NWD2: variants seen among roughly 807,000 people sequenced by gnomAD.
The protein encoded by NWD2 is NACHT and WD repeat domain containing 2.
NWD2 carries 37 observed loss-of-function variants against 132.7 expected under a neutral mutation model. The observed-to-expected ratio is 0.28, with a 90% CI of 0.21 to 0.37. The LOEUF is 0.37. Ranked by LOEUF, NWD2 falls within the 10% of genes least tolerant of loss-of-function variation. The pLI is 1.00. For synonymous variants in NWD2, 705 were observed against 803.0 expected (o/e 0.88, Z 2.06); for missense variants, 1,592 against 2,122.4 (o/e 0.75, Z 4.91).
At chr4:37,265,160 A>G (rs917333026) in intron 1 of NWD2, among the ~76,000 whole-genome samples, 1 of 152,138 alleles carries the variant, frequency 6.6e-6, no homozygotes, top group African/African-American at 2.4e-5. Flanking sequence ...TAATGATAAT[A>G]CTGAATCATT....
chr4:37,292,125 C>T (rs1718374537), intron 1 of NWD2, among the ~76,000 whole-genome samples: 1 of 152,138 alleles, frequency 6.6e-6, no homozygotes, highest in African/African-American at 2.4e-5. Flanking sequence ...CCCTTGGCCC[C>T]ACTTGTGAGG....
At chr4:37,268,476 C>G (rs1042707616) in intron 1 of NWD2, among the ~76,000 whole-genome samples, 2 of 151,852 alleles carry the variant, frequency 1.3e-5, no homozygotes, top group African/African-American at 4.8e-5. Context: ...AAAGAAAGAA[C>G]CAGGACTCTG....
chr4:37,313,552 A>T (rs1438587634), intron 1 of NWD2, among the ~76,000 whole-genome samples: 1 of 150,426 alleles, frequency 6.6e-6, no homozygotes, highest in South Asian at 2.1e-4. Context: ...GCGGTCTATC[A>T]ATTTTGTTGA....
At chr4:37,364,444 A>G (rs911455644) in intron 3 of NWD2, among the ~76,000 whole-genome samples, 7 of 152,238 alleles carry the variant, frequency 4.6e-5, no homozygotes, top group Non-Finnish European at 7.4e-5. Flanking sequence ...CTTCACATTT[A>G]GAGGGGTGTT....
intron 5 of NWD2, among the ~76,000 whole-genome samples, chr4:37,435,825 T>C (rs542497346): frequency 2.6e-5 from 4 of 152,202 alleles, no homozygotes; most frequent in Non-Finnish European, 4.4e-5. Flanking sequence ...CCTGAAGATA[T>C]ACATGCTCAT....
intron 3 of NWD2, among the ~76,000 whole-genome samples, chr4:37,358,748 C>T (rs562116560): frequency 6.6e-6 from 1 of 152,234 alleles, no homozygotes; most frequent in South Asian, 2.1e-4. Context: ...ACATAGTAAT[C>T]CATTAAAAAG....
Position 37,447,161 on chromosome 4 carries a change from G to A in NWD2, c.5173G>A (p.Glu1725Lys), listed in dbSNP as rs1279642275. Reference protein sequence around the residue: ...TPSKKHNSCYERVCSALEARG... With the variant: ...TPSKKHNSCYKRVCSALEARG... ...CTCCAAGAAACACAACTCTTGTTAT[G>A]AGCGGGTATGCTCGGCCCTAGAAGC... Residue 1725 changes from glutamate to lysine, a missense_variant, in exon 7 of 7, where the codon GAG becomes AAG. By Grantham distance (56) the Glu-to-Lys change is moderately conservative (BLOSUM62 1). Transcript: ENST00000309447. The A allele has an allele frequency of 1.9e-6, 3 of 1,551,226 alleles. No individual in the cohort carries two copies. The highest frequency in any genetic ancestry group is 2.6e-6 in the Non-Finnish European group (3 of 1,147,000).
chr4:37,364,068 G>A (rs1290212702), intron 3 of NWD2, among the ~76,000 whole-genome samples: 1 of 152,156 alleles, frequency 6.6e-6, no homozygotes, highest in Admixed American at 6.6e-5. Flanking sequence ...GATCCAGGAG[G>A]CGGAGGTTGC....
At chr4:37,260,141 C>T (rs141018060) in intron 1 of NWD2, among the ~76,000 whole-genome samples, 1 of 152,226 alleles carries the variant, frequency 6.6e-6, no homozygotes, top group African/African-American at 2.4e-5. Context: ...CACTAGAGAG[C>T]GTTCTTGTTT....
chr4:37,442,392 C>T (rs556159372), intron 6 of NWD2, among the ~76,000 whole-genome samples: 4 of 152,140 alleles, frequency 2.6e-5, no homozygotes, highest in Non-Finnish European at 5.9e-5. Flanking sequence ...CATATTTTAT[C>T]CTTTAACACC....
Position 37,444,978 on chromosome 4 carries a change from A to G in NWD2, c.2990A>G (p.Glu997Gly). The G allele has an allele frequency of 6.4e-7, 1 of 1,552,054 alleles. No homozygotes were observed. Among genetic ancestry groups the G allele is most frequent in the Non-Finnish European group, 8.7e-7 (1 of 1,147,072 alleles). ...GGTTCCATCAGCACCTGGGATGTAG[A>G]GACTCGACAGCTACTCAGGCAAATC... ...ENGSISTWDV[E>G]TRQLLRQITT... The change falls in exon 7 of 7, where the codon GAG becomes GGG. Residue 997 changes from glutamate to glycine, a missense_variant. Glu to Gly is a moderately conservative substitution (Grantham distance 98). Coordinates refer to ENST00000309447, the MANE Select transcript of NWD2 (RefSeq NM_001144990.2). This position sits in a 1 kb window ranked among gnomAD's most constrained non-coding sequence, Gnocchi z 4.8.
At chr4:37,294,908 A>G (rs554527745) in intron 1 of NWD2, among the ~76,000 whole-genome samples, 123 of 152,312 alleles carry the variant, frequency 8.1e-4, no homozygotes, top group African/African-American at 2.8e-3. Context: ...CCCTTCTCCA[A>G]AGATGACTTC....
At chr4:37,378,701 T>C (rs1239007608) in intron 3 of NWD2, among the ~76,000 whole-genome samples, 1 of 152,224 alleles carries the variant, frequency 6.6e-6, no homozygotes, top group Non-Finnish European at 1.5e-5. Flanking sequence ...AAAGTGTTTA[T>C]TTTTATACAC....
At position 37,347,979 on chromosome 4, in the gene NWD2, A is replaced by G. The variant is rs146964782; in HGVS notation, c.241-8387A>G. On this transcript the variant is annotated intron_variant, in intron 2 of 6. Transcript: ENST00000309447. ...ATAAGTTATTGGCATATGGTCTTAT[A>G]ATGATTTAATGATTTCAGTATGTTG... 2.1e-3 allele frequency among the ~76,000 whole-genome samples: 316 copies of G among 152,338 alleles called. 1 individual carries two copies. Among genetic ancestry groups the G allele is most frequent in the African/African-American group, 7.2e-3 (300 of 41,582 alleles).
intron 1 of NWD2, among the ~76,000 whole-genome samples, chr4:37,246,175 C>T (rs1717240177): frequency 6.6e-6 from 1 of 152,196 alleles, no homozygotes; most frequent in Non-Finnish European, 1.5e-5. Context: ...ACGTTTTCTG[C>T]ACTCTAACAA....
chr4:37,423,997 GC>G (rs1711904565), intron 3 of NWD2, among the ~76,000 whole-genome samples: 2 of 152,102 alleles, frequency 1.3e-5, no homozygotes, highest in Non-Finnish European at 2.9e-5. Flanking sequence ...GGTGTTGCTG[GC>G]TCTTTGGCGG....
chr4:37,326,127 G>C, intron 2 of NWD2, 103 bp downstream of exon 2: 1 of 663,460 alleles, frequency 1.5e-6, no homozygotes, highest in South Asian at 2.1e-5. Context: ...TTTAGGCCCT[G>C]AAAAAATTTA....
chr4:37,424,181 T>C (rs894026522), intron 3 of NWD2, among the ~76,000 whole-genome samples: 2 of 152,172 alleles, frequency 1.3e-5, no homozygotes, highest in African/African-American at 4.8e-5. Flanking sequence ...CAGTGCCCCA[T>C]GGAGTTCTGC....
At chr4:37,369,326 C>T (rs1398157908) in intron 3 of NWD2, among the ~76,000 whole-genome samples, 1 of 151,970 alleles carries the variant, frequency 6.6e-6, no homozygotes, top group Non-Finnish European at 1.5e-5. Flanking sequence ...CATGGATATA[C>T]TGCCTAATGG....
Sources: allele counts gnomAD v4.1 joint callset (sites outside exome capture counted in the v4.1 genomes callset), GRCh38; gene constraint gnomAD v4.1.1; non-coding constraint Gnocchi (gnomAD v3.1); transcripts MANE v1.5; gene names NCBI Gene and HGNC (gene_info 2026-07-23, HGNC 2026-07-21).